Variants in MIGA1 observed in about 807,000 individuals in gnomAD.
MIGA1 encodes the protein mitoguardin 1.
In MIGA1, 58 loss-of-function variants were observed where a neutral mutation model predicts 82.0. The ratio of observed to expected loss-of-function variants is 0.71; its 90% CI spans 0.57 to 0.88. MIGA1 has a LOEUF of 0.88. MIGA1 is among the 40% of genes least tolerant of loss of function. The pLI, the probability that MIGA1 is intolerant of heterozygous loss-of-function variation, is 0.00. For missense variants in MIGA1, 751 were observed against 749.1 expected (o/e 1.00, Z -0.03); for synonymous variants, 249 against 253.6 (o/e 0.98, Z 0.17).
intron 7 of MIGA1, among the ~76,000 whole-genome samples, chr1:77,826,961 C>G (rs781204214): frequency 2.6e-5 from 4 of 151,484 alleles, no homozygotes; most frequent in Non-Finnish European, 4.4e-5. Context: ...CCCGCCAGCA[C>G]GCCCAGCTAA....
intron 7 of MIGA1, among the ~76,000 whole-genome samples, chr1:77,820,707 C>G (rs1386987071): frequency 6.6e-6 from 1 of 152,002 alleles, no homozygotes; most frequent in Non-Finnish European, 1.5e-5. Context: ...ATATCCTATT[C>G]ATGTTTTCCA....
chr1:77,794,936 T>G (rs571424386), intron 2 of MIGA1, among the ~76,000 whole-genome samples: 43 of 152,294 alleles, frequency 2.8e-4, no homozygotes, highest in African/African-American at 1.0e-3. Flanking sequence ...CTTACTTTAG[T>G]ACTTATTTCT....
chr1:77,872,949 G>A, intron 14 of MIGA1, 55 bp from the exon 15 acceptor site: 1 of 1,606,428 alleles, frequency 6.2e-7, no homozygotes, highest in Non-Finnish European at 8.5e-7. Flanking sequence ...CTGTACTAGA[G>A]AAAGCAAGTA....
chr1:77,842,549 TTTG>T (rs527509482), intron 7 of MIGA1, among the ~76,000 whole-genome samples: 267 of 152,084 alleles, frequency 1.8e-3, no homozygotes, highest in African/African-American at 6.2e-3. Context: ...ATTGTTTTTT[TTTG>T]TTGTTGTTGT....
chr1:77,870,138 G>A (rs1685888262), intron 14 of MIGA1, among the ~76,000 whole-genome samples: 3 of 101,468 alleles, frequency 3.0e-5, no homozygotes, highest in Admixed American at 2.6e-4. Flanking sequence ...CCGGGCAGAG[G>A]GGCTCCTCAC....
chr1:77,808,962 A>G (rs932155310), intron 5 of MIGA1, among the ~76,000 whole-genome samples: 5 of 152,176 alleles, frequency 3.3e-5, no homozygotes, highest in African/African-American at 9.7e-5. Context: ...TTACAAGTTT[A>G]TGGCTGGATA....
intron 14 of MIGA1, among the ~76,000 whole-genome samples, chr1:77,869,484 G>A (rs1288941141): frequency 4.4e-5 from 6 of 136,898 alleles, no homozygotes; most frequent in South Asian, 5.2e-4. Flanking sequence ...GGTCGTGGCC[G>A]GGCAGAGGGG....
At chr1:77,860,211 T>C (rs925743922) in intron 11 of MIGA1, 85 bp downstream of exon 11, 2 of 938,078 alleles carry the variant, frequency 2.1e-6, no homozygotes, top group Non-Finnish European at 3.2e-6. Context: ...ATTAAATTTT[T>C]GATAGAAGAA....
chr1:77,878,614 T>C lies in MIGA1; in HGVS notation c.*3550T>C, dbSNP rs541533347. On this transcript the variant is annotated 3_prime_UTR_variant, in exon 16 of 16. Coordinates refer to ENST00000370791, the MANE Select transcript of MIGA1 (RefSeq NM_198549.4). ...ATAAGAGGGACTTCAATTAAGTCAC[T>C]CCTGAGAAAATATCCTTTTTTCTAG... 2.0e-5 allele frequency: 6 copies of C among 299,516 alleles called. No homozygotes were observed. The Admixed American group carries it at 3.1e-4, about 15-fold the overall frequency. The allele number at this position is 299,516 out of a possible 1,614,324, so 18.6% of individuals were successfully genotyped here.
chr1:77,874,697 G>C (rs1198357293), intron 15 of MIGA1, 149 bp from the exon 16 acceptor site: 2 of 625,002 alleles, frequency 3.2e-6, no homozygotes, highest in African/African-American at 1.8e-5. Context: ...TAAATCACTT[G>C]TGCAAGGTCC....
At chr1:77,848,889 C>T in intron 8 of MIGA1, 1 of 705,038 alleles carries the variant, frequency 1.4e-6, no homozygotes, top group African/African-American at 1.8e-5. Context: ...GAGTGTGTTA[C>T]CAGTAGTTTG....
At chr1:77,873,313 A>G (rs1265190929) in intron 15 of MIGA1, among the ~76,000 whole-genome samples, 193 bp downstream of exon 15, 1 of 152,200 alleles carries the variant, frequency 6.6e-6, no homozygotes, top group African/African-American at 2.4e-5. Context: ...TATTATTATA[A>G]TGGACCAGTA....
chr1:77,874,788 C>A, intron 15 of MIGA1, 58 bp from the exon 16 acceptor site: 1 of 1,207,536 alleles, frequency 8.3e-7, no homozygotes, highest in Non-Finnish European at 1.2e-6. Flanking sequence ...ATATTAGAAG[C>A]TTTCTCAATG....
At chr1:77,856,370 C>G (rs1470664231) in intron 8 of MIGA1, among the ~76,000 whole-genome samples, 1 of 152,106 alleles carries the variant, frequency 6.6e-6, no homozygotes, top group Non-Finnish European at 1.5e-5. Flanking sequence ...TGGTTACGTC[C>G]TTTCCTGGTT....
intron 14 of MIGA1, among the ~76,000 whole-genome samples, chr1:77,870,182 T>C (rs1571023575): frequency 2.5e-5 from 2 of 81,220 alleles, no homozygotes; most frequent in African/African-American, 8.7e-5. Flanking sequence ...GAGGAGCCCC[T>C]CACCTCCCGG....
intron 7 of MIGA1, among the ~76,000 whole-genome samples, chr1:77,822,835 G>GTTTTT (rs752488187): frequency 3.7e-5 from 4 of 109,352 alleles, no homozygotes; most frequent in Admixed American, 9.8e-5. Flanking sequence ...CTTTCAGCAT[G>GTTTTT]TTTTTTTTTT....
At chr1:77,827,356 C>G (rs891334515) in intron 7 of MIGA1, among the ~76,000 whole-genome samples, 3 of 152,116 alleles carry the variant, frequency 2.0e-5, no homozygotes, top group Admixed American at 6.6e-5. Flanking sequence ...CGCCTGTAGT[C>G]TCAGCTACTT....
chr1:77,824,393 T>C (rs2101834923), intron 7 of MIGA1, among the ~76,000 whole-genome samples: 1 of 152,144 alleles, frequency 6.6e-6, no homozygotes, highest in Admixed American at 6.5e-5. Context: ...GAGATCCCCG[T>C]CTCTATAAAA....
At chr1:77,867,411 A>G (rs556872174) in intron 14 of MIGA1, among the ~76,000 whole-genome samples, 46 of 152,260 alleles carry the variant, frequency 3.0e-4, no homozygotes, top group Non-Finnish European at 6.0e-4. Context: ...TGCAGCCTCT[A>G]TAACTCCTGG....
Sources: gnomAD v4.1 joint callset for allele counts (sites outside exome capture counted in the v4.1 genomes callset) on GRCh38, gnomAD v4.1.1 for gene constraint, MANE v1.5 for transcripts, NCBI Gene and HGNC (gene_info 2026-07-23, HGNC 2026-07-21) for gene names.